The following IKBKB variants were observed in gnomAD, a reference collection of about 807,000 sequenced individuals.
IKBKB encodes inhibitor of nuclear factor kappa-B kinase subunit beta.
Under a neutral mutation model 113.6 loss-of-function variants are expected in IKBKB, and 42 were observed. The ratio of observed to expected loss-of-function variants is 0.37; its 90% confidence interval spans 0.29 to 0.48. The LOEUF (loss-of-function observed/expected upper bound fraction) is 0.48. Among genes scored for constraint, IKBKB ranks in the 20% least tolerant of loss-of-function variants. IKBKB has a pLI of 0.99. For missense variants in IKBKB, 673 were observed against 939.7 expected (o/e 0.72, Z 3.71); for synonymous variants, 296 against 361.3 (o/e 0.82, Z 2.05).
intron 2 of IKBKB, among the ~76,000 whole-genome samples, chr8:42,277,067 T>C (rs1809297317): frequency 6.6e-6 from 1 of 151,674 alleles, no homozygotes; most frequent in African/African-American, 2.4e-5. Context: ...AGATGGGGTT[T>C]CACTGTGTTA....
Position 42,293,481 on chromosome 8 carries a change from A to G in IKBKB, c.357A>G (p.Glu119=). ...TTGAGAACTGCTGTGGTCTGCGGGAAGGTGCCATCCTCACCTTGCTGAGTG... is the reference window on the plus strand; with the variant it reads ...TTGAGAACTGCTGTGGTCTGCGGGAGGGTGCCATCCTCACCTTGCTGAGTG... ...NQFENCCGLR[E]GAILTLLSDI... Residue 119 remains glutamate, a synonymous_variant, in exon 5 of 22, where the codon GAA becomes GAG. Transcript: ENST00000520810. 6.2e-7 allele frequency: 1 copy of G among 1,614,176 alleles called. No homozygotes were observed. The highest frequency in any genetic ancestry group is 8.5e-7 in the Non-Finnish European group (1 of 1,180,020).
In IKBKB at chr8:42,303,096, A is replaced by AAT. The variant is rs1563331831; in HGVS notation, c.389-2091_389-2090insAT. Among the ~76,000 whole-genome samples the AAT allele has an allele frequency of 5.2e-3, 693 of 132,618 alleles. 3 individuals are homozygous for AAT. The highest frequency in any genetic ancestry group is 8.2e-3 in the Non-Finnish European group (533 of 65,294). The allele number at this position is 132,618 out of a possible 152,430, so 87.0% of individuals were successfully genotyped here. ...GAGAGAGAGAGAGAGAGAGAATGAG[A>AAT]GAGAGAGAGAGAGAGAGAGAGAATG... On this transcript the variant is annotated intron_variant, in intron 5 of 21. Coordinates refer to ENST00000520810, the MANE Select transcript of IKBKB (RefSeq NM_001556.3).
chr8:42,327,702 A>G (rs1821048047), intron 20 of IKBKB, among the ~76,000 whole-genome samples: 2 of 142,730 alleles, frequency 1.4e-5, no homozygotes. Context: ...GCACGATCTC[A>G]GCTCACCTCA....
At chr8:42,325,766 A>G in intron 19 of IKBKB, 5 of 1,390,832 alleles carry the variant, frequency 3.6e-6, no homozygotes, top group Non-Finnish European at 4.7e-6. Flanking sequence ...TCCTTTCCTC[A>G]AAAGTCTCCG....
intron 5 of IKBKB, among the ~76,000 whole-genome samples, chr8:42,295,683 A>G (rs971185749): frequency 6.6e-6 from 1 of 151,798 alleles, no homozygotes; most frequent in Non-Finnish European, 1.5e-5. Flanking sequence ...CCGAGATTGC[A>G]CCATTGCACT....
chr8:42,302,702 T>C (rs1364673391), intron 5 of IKBKB, among the ~76,000 whole-genome samples: 1 of 151,758 alleles, frequency 6.6e-6, no homozygotes, highest in East Asian at 1.9e-4. Context: ...AAGGTATATA[T>C]GAAACAAATG....
chr8:42,290,091 G>T (rs941954461), intron 3 of IKBKB, 65 bp from the exon 4 acceptor site: 7 of 1,089,016 alleles, frequency 6.4e-6, no homozygotes, highest in Middle Eastern at 2.2e-4. Flanking sequence ...GAGACCTGGT[G>T]GGGGTGGTGG....
At chr8:42,298,756 C>T (rs762268486) in intron 5 of IKBKB, among the ~76,000 whole-genome samples, 1 of 152,116 alleles carries the variant, frequency 6.6e-6, no homozygotes, top group East Asian at 1.9e-4. Context: ...TTTGGACCTC[C>T]GAGTGCTCTC....
intron 21 of IKBKB, chr8:42,330,496 T>G (rs1051472205): frequency 6.0e-6 from 1 of 167,618 alleles, no homozygotes; most frequent in Non-Finnish European, 1.2e-5. Flanking sequence ...AATAAAGGGG[T>G]TTCAATATAT....
chr8:42,331,420 A>G lies in IKBKB; in HGVS notation c.*441A>G. 1.4e-6 allele frequency: 1 copy of G among 702,754 alleles called. No individual in the cohort carries two copies. Among genetic ancestry groups the G allele is most frequent in the Non-Finnish European group, 2.6e-6 (1 of 385,010 alleles). 43.5% of individuals were successfully genotyped at this position (702,754 alleles called of 1,614,324 possible). A position where few individuals can be genotyped will look rare whatever the true frequency, so the allele number is the denominator to read the frequency against. Reference sequence around the variant, plus strand: ...AAATCTTTCAGGGCAGAGTCCGAGCAGCGCTTGGTGACAGCCTGTCCTCTC... The same window carrying G: ...AAATCTTTCAGGGCAGAGTCCGAGCGGCGCTTGGTGACAGCCTGTCCTCTC... On this transcript the variant is annotated 3_prime_UTR_variant, in exon 22 of 22. Coordinates refer to ENST00000520810, the MANE Select transcript of IKBKB (RefSeq NM_001556.3).
chr8:42,271,672 AG>A, intron 1 of IKBKB: 1 of 531,864 alleles, frequency 1.9e-6, no homozygotes, highest in Non-Finnish European at 3.3e-6. Context: ...GGTGGCTTTG[AG>A]GGGAACCTGC....
At position 42,331,234 on chromosome 8, in the gene IKBKB, C is replaced by T. The variant is rs773150373; in HGVS notation, c.*255C>T. 4.5e-5 allele frequency: 32 copies of T among 712,004 alleles called. No homozygotes were observed. The highest frequency in any genetic ancestry group is 2.1e-4 in the African/African-American group (12 of 57,506). The allele number at this position is 712,004 out of a possible 1,614,324, so 44.1% of individuals were successfully genotyped here. A position where few individuals can be genotyped will look rare whatever the true frequency, so the allele number is the denominator to read the frequency against. On this transcript the variant is annotated 3_prime_UTR_variant, in exon 22 of 22. Transcript: ENST00000520810. Reference sequence around the variant, plus strand: ...CGCAGCCCTCCGTGGGCACTGCCGGCGCCTTGTCTGCACACTGGAGGTCCT... The same window carrying T: ...CGCAGCCCTCCGTGGGCACTGCCGGTGCCTTGTCTGCACACTGGAGGTCCT...
Position 42,320,852 on chromosome 8 carries a change from C to G in IKBKB, c.1688+8C>G, listed in dbSNP as rs1226326462. On this transcript the variant is annotated splice_region_variant and intron_variant, in intron 16 of 21. Coordinates refer to ENST00000520810, the MANE Select transcript of IKBKB (RefSeq NM_001556.3). Reference sequence around the variant, plus strand: ...GGGAACGCTGGACGACCTGTGAGTACTGGCTGGGGGGCCCCTCTGTGCCCA... The same window carrying G: ...GGGAACGCTGGACGACCTGTGAGTAGTGGCTGGGGGGCCCCTCTGTGCCCA... 1.9e-6 allele frequency: 3 copies of G among 1,562,502 alleles called. No homozygotes were observed. The highest frequency in any genetic ancestry group is 4.6e-5 in the East Asian group (2 of 43,612).
At chr8:42,295,320 T>C (rs566281483) in intron 5 of IKBKB, among the ~76,000 whole-genome samples, 56 of 152,254 alleles carry the variant, frequency 3.7e-4, no homozygotes, top group African/African-American at 1.3e-3. Context: ...GGTTTCATCA[T>C]GTTGGCCAGG....
chr8:42,308,854 C>A, intron 7 of IKBKB, 47 bp from the exon 8 acceptor site: 3 of 1,593,820 alleles, frequency 1.9e-6, no homozygotes, highest in Non-Finnish European at 2.6e-6. Context: ...CTGCCGTGGT[C>A]CCCCCAGAGA....
chr8:42,331,647 G>A lies in IKBKB; in HGVS notation c.*668G>A, dbSNP rs200856609. The A allele has an allele frequency of 7.3e-6, 4 of 544,420 alleles. No individual in the cohort carries two copies. Among genetic ancestry groups the A allele is most frequent in the Admixed American group, 3.2e-5 (1 of 31,076 alleles). The allele number at this position is 544,420 out of a possible 1,614,324, so 33.7% of individuals were successfully genotyped here. Reference sequence around the variant, plus strand: ...GTCCTCTTTTCGGCAAAGTTGGAGCGAGTGCCAAGCTCTCCATCTGTGGTC... The same window carrying A: ...GTCCTCTTTTCGGCAAAGTTGGAGCAAGTGCCAAGCTCTCCATCTGTGGTC... On this transcript the variant is annotated 3_prime_UTR_variant, in exon 22 of 22. Coordinates refer to ENST00000520810, the MANE Select transcript of IKBKB (RefSeq NM_001556.3).
chr8:42,315,775 G>A (rs17875711), intron 9 of IKBKB, among the ~76,000 whole-genome samples: 9,348 of 152,194 alleles, frequency 0.061, 413 homozygotes, highest in Non-Finnish European at 0.089. Context: ...GGATTCTCCC[G>A]TCTCAGCCTC....
chr8:42,284,445 G>A (rs1366774967), intron 2 of IKBKB, among the ~76,000 whole-genome samples: 1 of 152,060 alleles, frequency 6.6e-6, no homozygotes, highest in Non-Finnish European at 1.5e-5. Context: ...AGCCGGGCGT[G>A]GTGATGGGTG....
At chr8:42,315,655 C>T (rs1260554283) in intron 9 of IKBKB, among the ~76,000 whole-genome samples, 1 of 147,858 alleles carries the variant, frequency 6.8e-6, no homozygotes, top group Non-Finnish European at 1.5e-5. Context: ...ATTCTTTTTC[C>T]CCTTCTTTCT....
Sources: allele counts gnomAD v4.1 joint callset (sites outside exome capture counted in the v4.1 genomes callset), GRCh38; gene constraint gnomAD v4.1.1; transcripts MANE v1.5; gene names NCBI Gene and HGNC (gene_info 2026-07-23, HGNC 2026-07-21).